Variants in FER observed in about 807,000 individuals in gnomAD.
The protein encoded by FER is FER tyrosine kinase, also known as tyrosine-protein kinase Fer.
A neutral mutation model predicts 111.0 loss-of-function variants in FER; 63 were observed. That is an observed-to-expected ratio of 0.57 (90% CI 0.46 to 0.70). The LOEUF (loss-of-function observed/expected upper bound fraction) is 0.70, where lower values mean the gene tolerates loss of function less well. FER is among the 30% of genes least tolerant of loss of function. The pLI, the probability that FER is intolerant of heterozygous loss-of-function variation, is 0.00. For synonymous variants in FER, 327 were observed against 313.9 expected, an observed-to-expected ratio of 1.04 and a Z score of -0.44; for missense variants, 914 against 954.0, an observed-to-expected ratio of 0.96 and a Z score of 0.55.
At chr5:109,123,996 G>C (rs773936191) in intron 17 of FER, among the ~76,000 whole-genome samples, 1 of 152,110 alleles carries the variant, frequency 6.6e-6, no homozygotes, top group Non-Finnish European at 1.5e-5. Flanking sequence ...TTGGGAGACC[G>C]AGGTAGATCA....
At chr5:108,869,299 T>G (rs1764377872) in intron 6 of FER, among the ~76,000 whole-genome samples, 1 of 152,118 alleles carries the variant, frequency 6.6e-6, no homozygotes, top group South Asian at 2.1e-4. Flanking sequence ...TGGACCCAGA[T>G]TCACAAAGCT....
At chr5:108,894,578 T>C in intron 9 of FER, 1 of 406,256 alleles carries the variant, frequency 2.5e-6, no homozygotes, top group African/African-American at 2.1e-5. Flanking sequence ...CATTCTTGAG[T>C]TCCACGACCA....
chr5:109,183,868 A>C (rs1376249283), intron 18 of FER, among the ~76,000 whole-genome samples: 1 of 152,220 alleles, frequency 6.6e-6, no homozygotes, highest in Admixed American at 6.5e-5. Context: ...AAGCAATACT[A>C]AAGGGCCTTC....
chr5:109,113,545 A>G lies in FER; in HGVS notation c.2048+13026A>G, dbSNP rs562989326. 3.0e-4 allele frequency among the ~76,000 whole-genome samples: 46 copies of G among 152,294 alleles called. 1 individual carries two copies. The highest frequency in any genetic ancestry group is 1.1e-3 in the African/African-American group (45 of 41,560). On this transcript the variant is annotated intron_variant, in intron 17 of 19. Transcript: ENST00000281092. The stretch of plus-strand genomic sequence containing the variant: ...ACAGAAATTTACTTACATTTTTCAT[A>G]GGAAACTCTTCAAGCTACTGAGTTC...
chr5:109,159,315 A>C (rs1455316975), intron 17 of FER, among the ~76,000 whole-genome samples: 2 of 152,190 alleles, frequency 1.3e-5, no homozygotes, highest in African/African-American at 2.4e-5. Context: ...GCCATTCACC[A>C]ATCAGAAATA....
At chr5:109,175,131 T>A (rs1317761223) in intron 17 of FER, among the ~76,000 whole-genome samples, 1 of 152,206 alleles carries the variant, frequency 6.6e-6, no homozygotes, top group African/African-American at 2.4e-5. Flanking sequence ...GAGAAAATTG[T>A]CAAATTTAGT....
In FER at chr5:109,146,268, A is replaced by AT. The variant is rs566838892; in HGVS notation, c.2049-34478dup. Among the ~76,000 whole-genome samples the AT allele has an allele frequency of 1.2e-3, 67 of 58,108 alleles. 3 individuals carry two copies. The highest frequency in any genetic ancestry group is 2.5e-3 in the African/African-American group (39 of 15,816). 38.1% of individuals were successfully genotyped at this position (58,108 alleles called of 152,430 possible). ...TAATCTATCTAATATATATATATAT[A>AT]TATATATATATATATATATATATCT... On this transcript the variant is annotated intron_variant, in intron 17 of 19. Transcript: ENST00000281092.
intron 17 of FER, among the ~76,000 whole-genome samples, chr5:109,126,156 G>A (rs921485911): frequency 1.1e-4 from 17 of 152,234 alleles, no homozygotes; most frequent in Admixed American, 6.5e-4. Flanking sequence ...TGTAAAACAC[G>A]AAAAAAGACG....
At chr5:109,003,428 G>A (rs1264828663) in intron 13 of FER, among the ~76,000 whole-genome samples, 1 of 152,046 alleles carries the variant, frequency 6.6e-6, no homozygotes, top group East Asian at 1.9e-4. Context: ...AGAACACATG[G>A]ACACAGGAAG....
At chr5:109,161,391 G>C (rs1755976094) in intron 17 of FER, among the ~76,000 whole-genome samples, 1 of 151,872 alleles carries the variant, frequency 6.6e-6, no homozygotes, top group Non-Finnish European at 1.5e-5. Flanking sequence ...AGACTTACTG[G>C]GTTATTTTTC....
intron 17 of FER, among the ~76,000 whole-genome samples, chr5:109,113,249 T>G (rs1053841206): frequency 6.6e-6 from 1 of 152,156 alleles, no homozygotes; most frequent in African/African-American, 2.4e-5. Context: ...CTGCCTGATC[T>G]TGATCTGTCC....
At chr5:109,118,834 G>C (rs1281243571) in intron 17 of FER, among the ~76,000 whole-genome samples, 1 of 151,882 alleles carries the variant, frequency 6.6e-6, no homozygotes, top group Non-Finnish European at 1.5e-5. Flanking sequence ...TTGTATTTCT[G>C]TGGGATCAGT....
At chr5:109,181,897 C>T (rs188680206) in intron 18 of FER, among the ~76,000 whole-genome samples, 1 of 152,300 alleles carries the variant, frequency 6.6e-6, no homozygotes, top group South Asian at 2.1e-4. Flanking sequence ...AATAAGCATC[C>T]TCCTCCCATT....
intron 10 of FER, among the ~76,000 whole-genome samples, chr5:108,916,109 A>C (rs1581185032): frequency 6.6e-6 from 1 of 152,304 alleles, no homozygotes; most frequent in East Asian, 1.9e-4. Flanking sequence ...AAAGGCATTG[A>C]TTATATTTGC....
intron 17 of FER, among the ~76,000 whole-genome samples, chr5:109,142,879 A>G (rs1413884338): frequency 6.6e-6 from 1 of 152,140 alleles, no homozygotes; most frequent in East Asian, 1.9e-4. Context: ...AGAATTGTAG[A>G]TTGTAGCTAG....
intron 16 of FER, among the ~76,000 whole-genome samples, chr5:109,058,818 C>T (rs1180396994): frequency 1.7e-4 from 25 of 147,686 alleles, no homozygotes; most frequent in African/African-American, 4.0e-4. Flanking sequence ...CTGCAACCTC[C>T]GCCTTCTGGG....
intron 5 of FER, among the ~76,000 whole-genome samples, chr5:108,851,355 G>T (rs1399264774): frequency 1.3e-5 from 2 of 152,118 alleles, no homozygotes; most frequent in Admixed American, 6.5e-5. Context: ...ATTCACGTGA[G>T]ATTTATTCAC....
chr5:109,117,533 C>T (rs1361267063), intron 17 of FER, among the ~76,000 whole-genome samples: 1 of 152,040 alleles, frequency 6.6e-6, no homozygotes, highest in Admixed American at 6.6e-5. Flanking sequence ...TTGATCTCTT[C>T]CCTGGATAGT....
chr5:108,927,252 C>CTTTTTTTTCTTTTT (rs1753878743), intron 10 of FER, among the ~76,000 whole-genome samples: 1 of 95,254 alleles, frequency 1.0e-5, no homozygotes, highest in African/African-American at 5.8e-5. Flanking sequence ...AGAAGTGGCT[C>CTTTTTTTTCTTTTT]TTTTTTTTTT....
Sources: allele counts gnomAD v4.1 joint callset (sites outside exome capture counted in the v4.1 genomes callset), GRCh38; gene constraint gnomAD v4.1.1; transcripts MANE v1.5; gene names NCBI Gene and HGNC (gene_info 2026-07-23, HGNC 2026-07-21).